Variants in OSBPL9 observed in about 807,000 individuals in gnomAD.
The protein encoded by OSBPL9 is oxysterol-binding protein-related protein 9.
A neutral mutation model predicts 106.6 loss-of-function variants in OSBPL9; 40 were observed. That is an observed-to-expected ratio of 0.38 (90% CI 0.29 to 0.49). The LOEUF (loss-of-function observed/expected upper bound fraction) is 0.49, where lower values mean the gene tolerates loss of function less well. OSBPL9 is among the 20% of genes least tolerant of loss of function. OSBPL9 has a pLI of 0.97. For missense variants in OSBPL9, 609 were observed against 887.2 expected (o/e 0.69, Z 3.98); for synonymous variants, 269 against 295.4 (o/e 0.91, Z 0.92).
upstream of OSBPL9, chr1:51,617,046 C>G (rs765836923): frequency 7.1e-6 from 11 of 1,544,826 alleles, no homozygotes; most frequent in South Asian, 8.3e-5. Context: ...GCCCCGCCCC[C>G]CGCATGCTGA....
intron 14 of OSBPL9, among the ~76,000 whole-genome samples, chr1:51,775,521 G>T (rs193192036): frequency 1.2e-3 from 184 of 152,144 alleles, no homozygotes; most frequent in Non-Finnish European, 1.6e-3. Context: ...ATTCTTGTAT[G>T]ATGTTTGTCA....
At chr1:51,772,853 A>G (rs1674239797) in intron 14 of OSBPL9, 130 bp downstream of exon 14, 2 of 703,662 alleles carry the variant, frequency 2.8e-6, no homozygotes, top group Admixed American at 2.2e-5. Context: ...GTGATTTAAT[A>G]TAGATGTAGA....
the OSBPL9 span, among the ~76,000 whole-genome samples, chr1:51,564,263 T>G: frequency 6.6e-6 from 1 of 152,054 alleles, no homozygotes; most frequent in Non-Finnish European, 1.5e-5. Flanking sequence ...ATCCCTCCTC[T>G]GGGTTCACTA....
At position 51,630,146 on chromosome 1, in the gene OSBPL9, C is replaced by T. The variant is rs140343372; in HGVS notation, c.111+12925C>T. On this transcript the variant is annotated intron_variant, in intron 1 of 23. Coordinates refer to ENST00000428468, the MANE Select transcript of OSBPL9 (RefSeq NM_024586.6). ...AATCAAGGAGACAGAAAAGTCCATC[C>T]AGGTGTAGTTGCATTTCTCAGTCTT... 1.9e-3 allele frequency among the ~76,000 whole-genome samples: 294 copies of T among 152,066 alleles called. 1 individual carries two copies. Among genetic ancestry groups the T allele is most frequent in the Middle Eastern group, 3.4e-3 (1 of 294 alleles).
At chr1:51,574,937 T>C (rs925856833), upstream of OSBPL9, among the ~76,000 whole-genome samples, 13 of 152,328 alleles carry the variant, frequency 8.5e-5, no homozygotes, top group East Asian at 1.7e-3. Context: ...CTGATAAATT[T>C]GTTTTGCTTT....
chr1:51,574,346 G>A (rs184353992), upstream of OSBPL9, among the ~76,000 whole-genome samples: 467 of 152,250 alleles, frequency 3.1e-3, 2 homozygotes, highest in Non-Finnish European at 2.8e-3. Context: ...CAGGCCGGGC[G>A]CGGTGGCTCA....
At chr1:51,546,721 C>A in the OSBPL9 span, among the ~76,000 whole-genome samples, 622 of 149,714 alleles carry the variant, frequency 4.2e-3, 7 homozygotes, top group African/African-American at 0.015. Flanking sequence ...AAAAACACAA[C>A]ATAACTAGAT....
intron 1 of OSBPL9, among the ~76,000 whole-genome samples, chr1:51,642,591 G>A (rs1272886606): frequency 6.6e-6 from 1 of 152,192 alleles, no homozygotes; most frequent in Non-Finnish European, 1.5e-5. Context: ...CTCCTATGAA[G>A]GGGAAATAGG....
At chr1:51,645,827 C>T (rs1020775999) in intron 1 of OSBPL9, among the ~76,000 whole-genome samples, 3 of 151,974 alleles carry the variant, frequency 2.0e-5, no homozygotes, top group Non-Finnish European at 4.4e-5. Context: ...AGGTATCCAG[C>T]TTCATTCTTT....
At chr1:51,721,494 T>C (rs952857368) in intron 4 of OSBPL9, among the ~76,000 whole-genome samples, 7 of 152,218 alleles carry the variant, frequency 4.6e-5, no homozygotes, top group Admixed American at 4.6e-4. Context: ...AACTTAATTG[T>C]ATTTAAGGTA....
chr1:51,706,315 A>T (rs1469405835), intron 3 of OSBPL9, among the ~76,000 whole-genome samples: 4 of 152,218 alleles, frequency 2.6e-5, no homozygotes, highest in African/African-American at 7.2e-5. Flanking sequence ...TTATTGTGGT[A>T]GTTTTGGTAA....
chr1:51,612,631 A>C (rs1411511055), upstream of OSBPL9, among the ~76,000 whole-genome samples: 1 of 152,242 alleles, frequency 6.6e-6, no homozygotes, highest in Non-Finnish European at 1.5e-5. Flanking sequence ...CAAGAACTGC[A>C]CTTGATCCTG....
intron 3 of OSBPL9, among the ~76,000 whole-genome samples, chr1:51,672,595 T>C (rs982099169): frequency 6.6e-6 from 1 of 152,214 alleles, no homozygotes; most frequent in African/African-American, 2.4e-5. Context: ...ATACCATATG[T>C]ACTCTCTTTT....
rs535372883 is a variant in OSBPL9, at chr1:51,788,882, T to TAAA, written c.*1098_*1100dup. 2.0e-5 allele frequency among the ~76,000 whole-genome samples: 3 copies of TAAA among 151,042 alleles called. No homozygotes were observed. The highest frequency in any genetic ancestry group is 2.9e-5 in the Non-Finnish European group (2 of 67,942). On this transcript the variant is annotated 3_prime_UTR_variant, in exon 24 of 24. Transcript: ENST00000428468. The stretch of plus-strand genomic sequence containing the variant: ...TCATCTTTTTTATTTAAAAATACAT[T>TAAA]AAAAAAACAGGTATTAGTACCTAGC...
chr1:51,559,975 T>C, the OSBPL9 span, among the ~76,000 whole-genome samples: 1 of 152,174 alleles, frequency 6.6e-6, no homozygotes, highest in Non-Finnish European at 1.5e-5. Context: ...TTCTGAACCC[T>C]TCCCCACTCC....
the OSBPL9 span, among the ~76,000 whole-genome samples, chr1:51,546,428 TGGCTCACGCC>T: frequency 6.6e-6 from 1 of 152,024 alleles, no homozygotes; most frequent in Admixed American, 6.5e-5. Context: ...CTGGGCGCGG[TGGCTCACGCC>T]TGTAATCCCA....
chr1:51,602,018 C>CTTTTTTTTT (rs758760414), intron 2 of OSBPL9, among the ~76,000 whole-genome samples: 801 of 76,354 alleles, frequency 0.01, 237 homozygotes, highest in African/African-American at 0.033. Flanking sequence ...TCTTGGGGTT[C>CTTTTTTTTT]TTTTTTTTTT....
intron 3 of OSBPL9, 142 bp downstream of exon 3, chr1:51,669,654 G>T: frequency 1.4e-6 from 1 of 716,704 alleles, no homozygotes; most frequent in Non-Finnish European, 2.4e-6. Flanking sequence ...GGATGAAGTG[G>T]TACTGCAGGT....
chr1:51,784,704 C>T, intron 20 of OSBPL9, 122 bp downstream of exon 20: 1 of 1,160,328 alleles, frequency 8.6e-7, no homozygotes, highest in Non-Finnish European at 1.2e-6. Context: ...GCGTGTTTCA[C>T]ATTTTATGTG....
Sources: allele counts gnomAD v4.1 joint callset (sites outside exome capture counted in the v4.1 genomes callset), GRCh38; gene constraint gnomAD v4.1.1; transcripts MANE v1.5; gene names NCBI Gene and HGNC (gene_info 2026-07-23, HGNC 2026-07-21).